Variants in AP3B2 observed in about 807,000 individuals in gnomAD.
AP3B2 encodes adaptor related protein complex 3 subunit beta 2.
A neutral mutation model predicts 126.9 loss-of-function variants in AP3B2; 50 were observed. That is an observed-to-expected ratio of 0.39 (90% CI 0.31 to 0.50). The LOEUF (loss-of-function observed/expected upper bound fraction) is 0.50. Among genes scored for constraint, AP3B2 ranks in the 20% least tolerant of loss-of-function variants. AP3B2 has a pLI of 0.79. For missense variants in AP3B2, 1,177 were observed against 1,426.4 expected (o/e 0.83, Z 2.82); for synonymous variants, 541 against 565.0 (o/e 0.96, Z 0.60).
At chr15:82,684,947 G>A (rs920854786) in intron 4 of AP3B2, 1 of 152,220 alleles carries the variant, frequency 6.6e-6, no homozygotes, top group Non-Finnish European at 1.5e-5. Context: ...TTTAAAGTGA[G>A]AGATGTGTGG....
intron 1 of AP3B2, among the ~76,000 whole-genome samples, chr15:82,693,404 G>A (rs948869130): frequency 2.0e-5 from 3 of 151,308 alleles, no homozygotes; most frequent in Non-Finnish European, 2.9e-5. Flanking sequence ...GCACCACCAC[G>A]CTCGGGTAAT....
Position 82,659,679 on chromosome 15 carries a change from G to C in AP3B2, c.3187C>G (p.Leu1063Val). The C allele has an allele frequency of 6.2e-7, 1 of 1,613,936 alleles. No homozygotes were observed. The highest frequency in any genetic ancestry group is 8.5e-7 in the Non-Finnish European group (1 of 1,179,864). The change falls in exon 27 of 27, where the codon CTC becomes GTC. Residue 1063 changes from leucine to valine, a missense_variant. Transcript: ENST00000535359. ...CGGGCATCCAGGGTCAGCAGAACGA[G>C]GCTTCCACCAGTCAGTGTCCTCCCT... is the stretch of plus-strand genomic sequence containing the variant. ...FAGRTLTGGS[L>V]VLLTLDARPA...
In AP3B2 at chr15:82,683,060, T is replaced by G. The variant is rs1278969485; in HGVS notation, c.361-1480A>C. On this transcript the variant is annotated intron_variant, in intron 4 of 26. Transcript: ENST00000535359. Reference sequence around the variant, plus strand: ...TCTGCACCAGGAGTTTTTTTTTTTTTTTTTTTTTTTTTTTTTGTAACGGAG... The same window carrying G: ...TCTGCACCAGGAGTTTTTTTTTTTTGTTTTTTTTTTTTTTTTGTAACGGAG... 8.0e-4 allele frequency among the ~76,000 whole-genome samples: 108 copies of G among 135,686 alleles called. 1 individual carries two copies. The highest frequency in any genetic ancestry group is 2.7e-3 in the African/African-American group (97 of 35,734). The allele number at this position is 135,686 out of a possible 152,430, so 89.0% of individuals were successfully genotyped here.
chr15:82,677,056 T>G (rs2048254420), intron 13 of AP3B2, among the ~76,000 whole-genome samples: 2 of 151,838 alleles, frequency 1.3e-5, no homozygotes, highest in South Asian at 4.2e-4. Flanking sequence ...AAAACAAGAG[T>G]AGTAGTAAAG....
chr15:82,671,980 G>A (rs528533872), intron 14 of AP3B2, among the ~76,000 whole-genome samples: 1 of 151,858 alleles, frequency 6.6e-6, no homozygotes, highest in South Asian at 2.1e-4. Flanking sequence ...GGAGGCGGAG[G>A]TTGCAGTGAG....
chr15:82,707,179 A>C (rs2048810181), intron 1 of AP3B2, among the ~76,000 whole-genome samples: 1 of 152,238 alleles, frequency 6.6e-6, no homozygotes, highest in African/African-American at 2.4e-5. Context: ...CCTGGTATTC[A>C]GTGAAACCTT....
At chr15:82,687,749 A>G (rs1166104327) in intron 4 of AP3B2, 3 of 152,202 alleles carry the variant, frequency 2.0e-5, no homozygotes, top group African/African-American at 4.8e-5. Context: ...CCAGCAACCT[A>G]CAGAACTTCT....
chr15:82,665,162 G>A lies in AP3B2; in HGVS notation c.2028+85C>T. The A allele has an allele frequency of 9.8e-6, 14 of 1,430,970 alleles. No homozygotes were observed. Among genetic ancestry groups the A allele is most frequent in the Admixed American group, 5.9e-5 (3 of 50,504 alleles). 88.6% of individuals were successfully genotyped at this position (1,430,970 alleles called of 1,614,324 possible). A position where few individuals can be genotyped will look rare whatever the true frequency, so the allele number is the denominator to read the frequency against. ...AAACCAAGGTGGAAACAGAGTATGGGAAGGCCCAGGAGCACAACACACAGG... is the reference window on the plus strand; with the variant it reads ...AAACCAAGGTGGAAACAGAGTATGGAAAGGCCCAGGAGCACAACACACAGG... On this transcript the variant is annotated intron_variant, in intron 17 of 26. Transcript: ENST00000535359. The surrounding 1 kb of genome is among the most constrained non-coding windows in gnomAD (Gnocchi z 4.4).
intron 1 of AP3B2, among the ~76,000 whole-genome samples, chr15:82,702,604 C>G (rs372243627): frequency 1.8e-4 from 28 of 152,232 alleles, no homozygotes; most frequent in African/African-American, 6.5e-4. Flanking sequence ...AGGAACACCC[C>G]CCTTTGACTG....
chr15:82,707,183 AAACCTTCATACCCCTTACCATCCTC>A (rs1381508063), intron 1 of AP3B2, among the ~76,000 whole-genome samples: 18 of 152,302 alleles, frequency 1.2e-4, no homozygotes, highest in African/African-American at 4.3e-4. Context: ...GTATTCAGTG[AAACCTTCATACCCCTTACCATCCTC>A]AATCTTCAGA....
Position 82,661,805 on chromosome 15 carries a change from C to T in AP3B2, c.3016+20G>A, listed in dbSNP as rs978276769. On this transcript the variant is annotated intron_variant, in intron 25 of 26. Coordinates refer to ENST00000535359, the MANE Select transcript of AP3B2 (RefSeq NM_001278512.2). ...CAGCTTCTATACTTCCCTCTCTGCC[C>T]ACTCCCAGGGAGCACTCACCCTGTT... 1.3e-6 allele frequency: 2 copies of T among 1,594,578 alleles called. No homozygotes were observed. Among genetic ancestry groups the T allele is most frequent in the South Asian group, 1.1e-5 (1 of 88,872 alleles).
At chr15:82,662,617 G>A (rs1216154849) in intron 23 of AP3B2, 77 bp downstream of exon 23, 2 of 1,385,258 alleles carry the variant, frequency 1.4e-6, no homozygotes, top group Non-Finnish European at 2.0e-6. Flanking sequence ...CCTGGCACAA[G>A]GAGGGTATCA....
chr15:82,677,903 G>T, intron 11 of AP3B2, 100 bp from the exon 12 acceptor site: 1 of 1,440,546 alleles, frequency 6.9e-7, no homozygotes, highest in South Asian at 1.4e-5. Flanking sequence ...TCATGCCGGT[G>T]ACTAAGACTT....
chr15:82,709,721 G>C lies in AP3B2; in HGVS notation c.-15C>G. On this transcript the variant is annotated 5_prime_UTR_variant, in exon 1 of 27. Transcript: ENST00000535359. ...GCGGCCGACATGGGGCGGCCAGGGA[G>C]ACTTCGCCGAGGAGGAGGTTGCGGG... The C allele has an allele frequency of 3.4e-6, 5 of 1,466,558 alleles. No individual in the cohort carries two copies. The highest frequency in any genetic ancestry group is 4.5e-6 in the Non-Finnish European group (5 of 1,108,088). 90.8% of individuals were successfully genotyped at this position (1,466,558 alleles called of 1,614,324 possible).
chr15:82,664,269 T>TC lies in AP3B2; in HGVS notation c.2261+97dup. 6.3e-7 allele frequency: 1 copy of TC among 1,582,002 alleles called. No individual in the cohort carries two copies. The highest frequency in any genetic ancestry group is 8.6e-7 in the Non-Finnish European group (1 of 1,164,082). On this transcript the variant is annotated intron_variant, in intron 19 of 26. Coordinates refer to ENST00000535359, the MANE Select transcript of AP3B2 (RefSeq NM_001278512.2). The surrounding 1 kb of genome is among the most constrained non-coding windows in gnomAD (Gnocchi z 4.5). ...CAGCCCCACCCAGCTCACGAGGGGCTCAGGGGCTCTTAGGAGACTGGCTAA... is the reference window on the plus strand; with the variant it reads ...CAGCCCCACCCAGCTCACGAGGGGCTCCAGGGGCTCTTAGGAGACTGGCTAA...
In AP3B2 at chr15:82,665,270, C is replaced by T; in HGVS notation, c.2005G>A (p.Gly669Ser). 6.5e-7 allele frequency: 1 copy of T among 1,542,776 alleles called. No homozygotes were observed. The highest frequency in any genetic ancestry group is 8.7e-7 in the Non-Finnish European group (1 of 1,150,672). Residue 669 changes from glycine to serine, a missense_variant, in exon 17 of 27, where the codon GGC (glycine) becomes AGC (serine). Gly to Ser is a moderately conservative substitution (Grantham distance 56). Transcript: ENST00000535359. This position sits in a 1 kb window ranked among gnomAD's most constrained non-coding sequence, Gnocchi z 4.4. ...ACCTCAGTGTATTCGCCCAACAGGC[C>T]CACGTGAGTCTCAATAAGGGAGAGA... ...EDLSLIETHV[G>S]LLGEYTEVPE...
At chr15:82,703,305 G>A (rs973759291) in intron 1 of AP3B2, among the ~76,000 whole-genome samples, 7 of 93,416 alleles carry the variant, frequency 7.5e-5, no homozygotes, top group East Asian at 2.9e-4. Flanking sequence ...TTCTCTCCAC[G>A]TTCCTGGGGG....
Position 82,709,640 on chromosome 15 carries a change from C to A in AP3B2, c.67G>T (p.Gly23Cys). Residue 23 changes from glycine (G) to cysteine (C), a missense_variant, in exon 1 of 27, where the codon GGC (glycine) becomes TGC (cysteine). Transcript: ENST00000535359. ...ATGCCGCCGCTCGCGGGGTCGTGGC[C>A]GTACTCGGGCTCCCCGGGGCCAGCG... ...GSAGPGEPEY[G>C]HDPASGGIFS... 2 of 1,521,362 alleles carry A rather than the reference C, an allele frequency of 1.3e-6. No individual in the cohort carries two copies. Among genetic ancestry groups the A allele is most frequent in the South Asian group, 1.2e-5 (1 of 81,590 alleles). The allele number at this position is 1,521,362 out of a possible 1,614,324, so 94.2% of individuals were successfully genotyped here. A position where few individuals can be genotyped will look rare whatever the true frequency, so the allele number is the denominator to read the frequency against.
At chr15:82,660,064 G>GTT in intron 25 of AP3B2, 81 bp from the exon 26 acceptor site, 1 of 1,514,946 alleles carries the variant, frequency 6.6e-7, no homozygotes, top group Non-Finnish European at 9.0e-7. Flanking sequence ...TGAGCAACAA[G>GTT]TTCTCCCAGG....
Sources: allele counts gnomAD v4.1 joint callset (sites outside exome capture counted in the v4.1 genomes callset), GRCh38; gene constraint gnomAD v4.1.1; non-coding constraint Gnocchi (gnomAD v3.1); transcripts MANE v1.5; gene names NCBI Gene and HGNC (gene_info 2026-07-23, HGNC 2026-07-21).